The following PARP15 variants were observed in gnomAD, a reference collection of about 807,000 sequenced individuals.
The protein encoded by PARP15 is poly(ADP-ribose) polymerase family member 15, also known as protein mono-ADP-ribosyltransferase PARP15.
PARP15 carries 50 observed loss-of-function variants against 62.1 expected under a neutral mutation model. The observed-to-expected ratio is 0.81, with a 90% CI of 0.64 to 1.02. The LOEUF (loss-of-function observed/expected upper bound fraction) is 1.02, where lower values mean the gene tolerates loss of function less well. PARP15 is among the 50% of genes least tolerant of loss of function. The pLI, the probability that PARP15 is intolerant of heterozygous loss-of-function variation, is 0.00. For synonymous variants in PARP15, 309 were observed against 293.1 expected (o/e 1.05, Z -0.55); for missense variants, 820 against 826.5 (o/e 0.99, Z 0.10).
At chr3:122,610,407 A>G (rs998526460) in intron 2 of PARP15, 87 bp from the exon 3 acceptor site, 8 of 1,221,690 alleles carry the variant, frequency 6.5e-6, no homozygotes, top group Middle Eastern at 3.9e-4. Flanking sequence ...ATATCTGTAC[A>G]TTACCCCACA....
chr3:122,587,614 A>G (rs1004448250), intron 1 of PARP15, among the ~76,000 whole-genome samples: 1 of 152,104 alleles, frequency 6.6e-6, no homozygotes, highest in Non-Finnish European at 1.5e-5. Context: ...CTGCAGCCGC[A>G]ACCTCCTGGG....
In PARP15 at chr3:122,632,086, G is replaced by A. The variant is rs573149634; in HGVS notation, c.1439G>A (p.Cys480Tyr). The A allele has an allele frequency of 1.9e-6, 3 of 1,613,950 alleles. No individual in the cohort carries two copies. The highest frequency in any genetic ancestry group is 1.1e-5 in the South Asian group (1 of 91,080). ...NFQSTFSMTT[C>Y]NLPEHWTDMN... is the part of the protein sequence containing the mutation. ...TTTTGACCAAATGCTGACTTTCCAGGTAATCTTCCTGAACACTGGACTGAC... is the reference window on the plus strand; with the variant it reads ...TTTTGACCAAATGCTGACTTTCCAGATAATCTTCCTGAACACTGGACTGAC... The change falls in exon 10 of 12, where the codon TGT (cysteine) becomes TAT (tyrosine). Residue 480 changes from cysteine (C) to tyrosine (Y), a missense_variant and splice_region_variant. Transcript: ENST00000464300.
chr3:122,616,010 A>G (rs962041896), intron 5 of PARP15, among the ~76,000 whole-genome samples, 153 bp downstream of exon 5: 2 of 152,250 alleles, frequency 1.3e-5, no homozygotes, highest in African/African-American at 2.4e-5. Flanking sequence ...TTGTCTGGGC[A>G]CACAAAGAAG....
At chr3:122,598,819 A>T (rs1465338850) in intron 1 of PARP15, among the ~76,000 whole-genome samples, 1 of 152,194 alleles carries the variant, frequency 6.6e-6, no homozygotes, top group African/African-American at 2.4e-5. Flanking sequence ...TTCTAGCCAG[A>T]TTGTCACACC....
At chr3:122,628,881 G>A (rs1426962689) in intron 9 of PARP15, among the ~76,000 whole-genome samples, 2 of 152,174 alleles carry the variant, frequency 1.3e-5, no homozygotes, top group Admixed American at 6.5e-5. Flanking sequence ...TTTTAGTAAG[G>A]ATTTATCATA....
chr3:122,588,214 C>T (rs908592983), intron 1 of PARP15, among the ~76,000 whole-genome samples: 2 of 151,860 alleles, frequency 1.3e-5, no homozygotes, highest in Non-Finnish European at 1.5e-5. Flanking sequence ...CTATAATTAC[C>T]TTGGAGACTA....
At chr3:122,611,330 G>A (rs1935548435) in intron 3 of PARP15, among the ~76,000 whole-genome samples, 2 of 152,022 alleles carry the variant, frequency 1.3e-5, no homozygotes, top group Admixed American at 6.5e-5. Context: ...AGAGATAACT[G>A]TTTTCTTCTT....
intron 9 of PARP15, among the ~76,000 whole-genome samples, chr3:122,628,890 T>C (rs1431393264): frequency 6.6e-6 from 1 of 152,258 alleles, no homozygotes; most frequent in Non-Finnish European, 1.5e-5. Context: ...GGATTTATCA[T>C]ATAGCCCTTT....
At chr3:122,581,942 C>G (rs932842670) in intron 1 of PARP15, among the ~76,000 whole-genome samples, 1 of 152,126 alleles carries the variant, frequency 6.6e-6, no homozygotes, top group Non-Finnish European at 1.5e-5. Flanking sequence ...AGATCACCAG[C>G]TTAGTTGTTC....
At chr3:122,630,734 A>G (rs1478065849) in intron 9 of PARP15, among the ~76,000 whole-genome samples, 1 of 152,166 alleles carries the variant, frequency 6.6e-6, no homozygotes, top group East Asian at 1.9e-4. Context: ...TGTAAAAAAT[A>G]TCAAGCTTAA....
In PARP15 at chr3:122,635,831, A is replaced by G. The variant is rs777624690; in HGVS notation, c.1768A>G (p.Thr590Ala). Residue 590 changes from threonine (T) to alanine (A), a missense_variant, in exon 12 of 12, where the codon ACC becomes GCC. By Grantham distance (58) the Thr-to-Ala change is moderately conservative (BLOSUM62 0). This residue lies in a region of PARP15 where 731 missense variants were observed against 727.7 expected (regional missense o/e 1.00). Coordinates refer to ENST00000464300, the MANE Select transcript of PARP15 (RefSeq NM_001113523.3). ...GKNAVSYGKG[T>A]YFAVDASYSA... ...TCCAGCTGTATCCTATGGAAAAGGA[A>G]CCTATTTTGCTGTGGATGCCAGTTA... The G allele has an allele frequency of 1.2e-6, 2 of 1,613,672 alleles. No individual in the cohort carries two copies. Among genetic ancestry groups the G allele is most frequent in the Non-Finnish European group, 1.7e-6 (2 of 1,179,780 alleles).
chr3:122,602,611 G>T (rs1934884915), intron 1 of PARP15, among the ~76,000 whole-genome samples: 1 of 152,084 alleles, frequency 6.6e-6, no homozygotes. Context: ...GCACAAAATT[G>T]TTCCTAATAT....
chr3:122,615,490 G>C, intron 4 of PARP15: 1 of 1,213,824 alleles, frequency 8.2e-7, no homozygotes, highest in Non-Finnish European at 1.1e-6. Flanking sequence ...TAACGATAGT[G>C]GTCACAAAAA....
At chr3:122,616,491 A>G (rs1935983203) in intron 5 of PARP15, among the ~76,000 whole-genome samples, 2 of 151,876 alleles carry the variant, frequency 1.3e-5, no homozygotes, top group South Asian at 2.1e-4. Flanking sequence ...CACCACACCC[A>G]GCTAATTTTT....
intron 2 of PARP15, 76 bp downstream of exon 2, chr3:122,606,131 T>C (rs1353509779): frequency 7.0e-7 from 1 of 1,435,222 alleles, no homozygotes; most frequent in Non-Finnish European, 9.4e-7. Flanking sequence ...TGTTCCATGA[T>C]TTAATTTGTT....
At chr3:122,604,251 G>A (rs146453921) in intron 1 of PARP15, among the ~76,000 whole-genome samples, 6 of 152,262 alleles carry the variant, frequency 3.9e-5, no homozygotes, top group Non-Finnish European at 7.4e-5. Flanking sequence ...GGACAATGAA[G>A]TTTCTATCCT....
At chr3:122,631,718 C>T (rs1418279062) in intron 9 of PARP15, among the ~76,000 whole-genome samples, 1 of 152,186 alleles carries the variant, frequency 6.6e-6, no homozygotes, top group African/African-American at 2.4e-5. Flanking sequence ...AAGAGAACTA[C>T]ATTAAATATT....
chr3:122,621,057 G>A (rs1208246233), intron 7 of PARP15, among the ~76,000 whole-genome samples: 1 of 152,152 alleles, frequency 6.6e-6, no homozygotes, highest in East Asian at 1.9e-4. Flanking sequence ...CAGAGTGGGG[G>A]TTAAGAGCTA....
chr3:122,579,773 G>A (rs2080759772), intron 1 of PARP15, among the ~76,000 whole-genome samples: 1 of 151,790 alleles, frequency 6.6e-6, no homozygotes, highest in African/African-American at 2.4e-5. Context: ...GAGGTCAGGA[G>A]TTCAAGATCA....
Sources: allele counts gnomAD v4.1 joint callset (sites outside exome capture counted in the v4.1 genomes callset), GRCh38; gene constraint gnomAD v4.1.1; regional missense constraint gnomAD v4.1.1; transcripts MANE v1.5; gene names NCBI Gene and HGNC (gene_info 2026-07-23, HGNC 2026-07-21).